The following FGD4 variants were observed in gnomAD, a reference collection of about 807,000 sequenced individuals.
The protein encoded by FGD4 is FYVE, RhoGEF and PH domain containing 4, also known as FYVE, RhoGEF and PH domain-containing protein 4.
A neutral mutation model predicts 102.0 loss-of-function variants in FGD4; 42 were observed. The ratio of observed to expected loss-of-function variants is 0.41; its 90% confidence interval spans 0.32 to 0.53. FGD4 has a LOEUF of 0.53. Among genes scored for constraint, FGD4 ranks in the 20% least tolerant of loss-of-function variants. The pLI is 0.21. For missense variants in FGD4, 902 were observed against 1,078.2 expected (o/e 0.84, Z 2.29); for synonymous variants, 380 against 375.7 (o/e 1.01, Z -0.13).
intron 1 of FGD4, among the ~76,000 whole-genome samples, chr12:32,427,442 A>T (rs1253525286): frequency 2.0e-5 from 3 of 152,160 alleles, no homozygotes; most frequent in African/African-American, 7.2e-5. Context: ...ATTTGTTATG[A>T]TTTCCATTCT....
chr12:32,530,941 G>GTTTTTTT lies in FGD4; in HGVS notation c.167-33173_167-33167dup, dbSNP rs768536136. Among the ~76,000 whole-genome samples, 193 of 70,476 alleles carry GTTTTTTT rather than the reference G, an allele frequency of 2.7e-3. 38 individuals are homozygous for GTTTTTTT. Among genetic ancestry groups the GTTTTTTT allele is most frequent in the African/African-American group, 9.2e-3 (134 of 14,492 alleles). 46.2% of individuals were successfully genotyped at this position (70,476 alleles called of 152,430 possible). On this transcript the variant is annotated intron_variant, in intron 1 of 16. Coordinates refer to ENST00000534526, the MANE Select transcript of FGD4 (RefSeq NM_001370298.3). ...TATGACAATCAGTTTCCTAGCTTTGGTTTTTTTTTTTTTTTTTTTTTTTTT... is the reference window on the plus strand; with the variant it reads ...TATGACAATCAGTTTCCTAGCTTTGGTTTTTTTTTTTTTTTTTTTTTTTTTTTTTTTT...
At chr12:32,479,788 T>A (rs1943674286) in intron 1 of FGD4, among the ~76,000 whole-genome samples, 1 of 60,926 alleles carries the variant, frequency 1.6e-5, no homozygotes, top group African/African-American at 4.0e-5. Context: ...GCATTATTCT[T>A]TTTTTTTTTT....
At chr12:32,443,567 C>T (rs1331474875) in intron 1 of FGD4, among the ~76,000 whole-genome samples, 4 of 122,442 alleles carry the variant, frequency 3.3e-5, no homozygotes, top group Admixed American at 9.6e-5. Context: ...GAGGCAGGGT[C>T]TTACTCTGTC....
At chr12:32,520,474 C>T (rs1484915830) in intron 1 of FGD4, among the ~76,000 whole-genome samples, 9 of 145,858 alleles carry the variant, frequency 6.2e-5, no homozygotes, top group Admixed American at 2.1e-4. Flanking sequence ...CTCGCTCTGT[C>T]GCCCAGGCTG....
intron 1 of FGD4, among the ~76,000 whole-genome samples, chr12:32,563,260 C>T (rs1209567606): frequency 6.7e-6 from 1 of 149,484 alleles, no homozygotes; most frequent in Non-Finnish European, 1.5e-5. Context: ...GGTTGCCAGG[C>T]GGAGGGTCTC....
chr12:32,485,245 G>C (rs1283567163), intron 1 of FGD4, among the ~76,000 whole-genome samples: 2 of 151,966 alleles, frequency 1.3e-5, no homozygotes, highest in African/African-American at 4.8e-5. Context: ...AACCTGACTT[G>C]TTTTTATATA....
chr12:32,599,049 G>A (rs1020382270), intron 5 of FGD4, among the ~76,000 whole-genome samples: 4 of 152,170 alleles, frequency 2.6e-5, no homozygotes, highest in Non-Finnish European at 4.4e-5. Flanking sequence ...ATTCGACCTT[G>A]TATGAAACAT....
chr12:32,494,995 G>A (rs562019279), intron 1 of FGD4, among the ~76,000 whole-genome samples: 3 of 152,152 alleles, frequency 2.0e-5, no homozygotes, highest in Non-Finnish European at 4.4e-5. Context: ...AGGCTTCTGT[G>A]TTCTTGTTTT....
chr12:32,449,919 ATT>A (rs144841230), intron 1 of FGD4, among the ~76,000 whole-genome samples: 1 of 150,120 alleles, frequency 6.7e-6, no homozygotes, highest in Non-Finnish European at 1.5e-5. Flanking sequence ...ATTTTTATTT[ATT>A]TTTTTTTATT....
chr12:32,614,597 C>A lies in FGD4; in HGVS notation c.1749+3314C>A, dbSNP rs150430718. 1.4e-3 allele frequency among the ~76,000 whole-genome samples: 218 copies of A among 152,338 alleles called. 2 individuals are homozygous for A. The highest frequency in any genetic ancestry group is 5.1e-3 in the African/African-American group (212 of 41,578). On this transcript the variant is annotated intron_variant, in intron 10 of 16. Coordinates refer to ENST00000534526, the MANE Select transcript of FGD4 (RefSeq NM_001370298.3). Reference sequence around the variant, plus strand: ...AGTCCTTCTAAACCATGACAATGTTCTTGCTCATTATTCTCATCAAACAAG... The same window carrying A: ...AGTCCTTCTAAACCATGACAATGTTATTGCTCATTATTCTCATCAAACAAG...
chr12:32,516,615 A>C (rs1939920798), intron 1 of FGD4, among the ~76,000 whole-genome samples: 1 of 152,230 alleles, frequency 6.6e-6, no homozygotes, highest in South Asian at 2.1e-4. Context: ...AAACTGTAAA[A>C]TGTGCAAATG....
In FGD4 at chr12:32,599,534, C is replaced by CTTTTTTTTTTTTTTTTTTTT. The variant is rs764106230; in HGVS notation, c.1101+959_1101+978dup. Among the ~76,000 whole-genome samples the CTTTTTTTTTTTTTTTTTTTT allele has an allele frequency of 2.5e-4, 9 of 35,356 alleles. 4 individuals carry two copies. The highest frequency in any genetic ancestry group is 7.6e-4 in the African/African-American group (6 of 7,902). The allele number at this position is 35,356 out of a possible 152,430, so 23.2% of individuals were successfully genotyped here. On this transcript the variant is annotated intron_variant, in intron 5 of 16. Coordinates refer to ENST00000534526, the MANE Select transcript of FGD4 (RefSeq NM_001370298.3). Reference sequence around the variant, plus strand: ...GAATAACTTTTGAAAACTAAGGCATCTTTTTTTTTTTTTTTTTTTTTTTTT... The same window carrying CTTTTTTTTTTTTTTTTTTTT: ...GAATAACTTTTGAAAACTAAGGCATCTTTTTTTTTTTTTTTTTTTTTTTTTTTTTTTTTTTTTTTTTTTTT...
chr12:32,417,230 C>CT (rs774528789), intron 1 of FGD4, among the ~76,000 whole-genome samples: 5 of 152,122 alleles, frequency 3.3e-5, no homozygotes, highest in Non-Finnish European at 7.3e-5. Context: ...TACCATTTAG[C>CT]ATTTTTTGTA....
At chr12:32,633,430 CT>C (rs1950607147) in intron 14 of FGD4, 118 bp from the exon 15 acceptor site, 1 of 1,105,250 alleles carries the variant, frequency 9.0e-7, no homozygotes, top group South Asian at 1.4e-5. Context: ...TGTTCCTTTT[CT>C]AACAAAAATC....
intron 1 of FGD4, among the ~76,000 whole-genome samples, chr12:32,504,476 A>G (rs1178895930): frequency 6.6e-6 from 1 of 152,158 alleles, no homozygotes; most frequent in African/African-American, 2.4e-5. Context: ...TTTAGAATGT[A>G]CTGAATTCGC....
chr12:32,521,840 C>G (rs568356057), intron 1 of FGD4, among the ~76,000 whole-genome samples: 1 of 151,984 alleles, frequency 6.6e-6, no homozygotes, highest in Non-Finnish European at 1.5e-5. Context: ...TTTACTAATA[C>G]GAGATTATTT....
Position 32,399,752 on chromosome 12 carries a change from G to C in FGD4, c.-42G>C, listed in dbSNP as rs956182081. On this transcript the variant is annotated 5_prime_UTR_variant, in exon 1 of 17. Coordinates refer to ENST00000534526, the MANE Select transcript of FGD4 (RefSeq NM_001370298.3). ...CCCCAGGGGCCGCTCGCGGCTGGAC[G>C]GGAGCGGGAGGAGTCGGGGAGCGGC... is the stretch of plus-strand genomic sequence containing the variant. 2.6e-6 allele frequency: 4 copies of C among 1,522,834 alleles called. No individual in the cohort carries two copies. Among genetic ancestry groups the C allele is most frequent in the Admixed American group, 2.0e-5 (1 of 50,412 alleles). 94.3% of individuals were successfully genotyped at this position (1,522,834 alleles called of 1,614,324 possible).
intron 1 of FGD4, among the ~76,000 whole-genome samples, chr12:32,475,061 G>A (rs1246813629): frequency 6.6e-6 from 1 of 152,192 alleles, no homozygotes; most frequent in Non-Finnish European, 1.5e-5. Flanking sequence ...CTTCACTGGT[G>A]CATAGCATTT....
chr12:32,418,766 A>G, intron 1 of FGD4, among the ~76,000 whole-genome samples: 1 of 152,148 alleles, frequency 6.6e-6, no homozygotes, highest in Non-Finnish European at 1.5e-5. Flanking sequence ...AGCAGGTGGC[A>G]AAGCCAGCCA....
Sources: allele counts gnomAD v4.1 joint callset (sites outside exome capture counted in the v4.1 genomes callset), GRCh38; gene constraint gnomAD v4.1.1; transcripts MANE v1.5; gene names NCBI Gene and HGNC (gene_info 2026-07-23, HGNC 2026-07-21).